The following VWF variants were observed in gnomAD, a reference collection of about 807,000 sequenced individuals.
The protein encoded by VWF is von Willebrand factor.
A neutral mutation model predicts 308.6 loss-of-function variants in VWF; 176 were observed. The observed-to-expected ratio is 0.57, with a 90% CI of 0.50 to 0.65. VWF has a LOEUF of 0.65. VWF is among the 30% of genes least tolerant of loss of function. VWF has a pLI of 0.00. For missense variants in VWF, 3,146 were observed against 3,648.2 expected (o/e 0.86, Z 3.55); for synonymous variants, 1,385 against 1,443.4 (o/e 0.96, Z 0.92).
chr12:6,079,893 C>T (rs1944888943), intron 6 of VWF, among the ~76,000 whole-genome samples: 1 of 152,150 alleles, frequency 6.6e-6, no homozygotes, highest in Non-Finnish European at 1.5e-5. Flanking sequence ...CCAGCCTCAC[C>T]CTCCCTGCTC....
intron 6 of VWF, among the ~76,000 whole-genome samples, chr12:6,088,617 A>G (rs552826504): frequency 1.2e-4 from 18 of 152,314 alleles, no homozygotes; most frequent in African/African-American, 3.4e-4. Context: ...ACTACAGGAC[A>G]AAGCCAAGAT....
At chr12:5,969,954 C>T in intron 44 of VWF, among the ~76,000 whole-genome samples, 1 of 152,174 alleles carries the variant, frequency 6.6e-6, no homozygotes, top group Admixed American at 6.5e-5. Flanking sequence ...GGATCTTCCC[C>T]AGAAAATGTC....
intron 45 of VWF, among the ~76,000 whole-genome samples, chr12:5,968,796 G>C: frequency 6.6e-6 from 1 of 152,208 alleles, no homozygotes; most frequent in Non-Finnish European, 1.5e-5. Flanking sequence ...AGTCACTCCA[G>C]AGTGAGAATC....
intron 14 of VWF, among the ~76,000 whole-genome samples, 179 bp from the exon 15 acceptor site, chr12:6,057,251 G>A (rs1028836051): frequency 1.3e-5 from 2 of 151,204 alleles, no homozygotes; most frequent in African/African-American, 4.9e-5. Context: ...ATCATCTAAC[G>A]CTGAGTTTGT....
intron 41 of VWF, among the ~76,000 whole-genome samples, chr12:5,982,496 T>A (rs2136371983): frequency 6.6e-6 from 1 of 152,264 alleles, no homozygotes; most frequent in East Asian, 1.9e-4. Flanking sequence ...AATGTCACTT[T>A]TAAAAGACCA....
intron 40 of VWF, among the ~76,000 whole-genome samples, chr12:5,984,467 C>T (rs192549199): frequency 1.3e-4 from 20 of 152,380 alleles, no homozygotes; most frequent in Non-Finnish European, 2.6e-4. Flanking sequence ...ATCTGCATCA[C>T]TGCAAATTGT....
intron 42 of VWF, among the ~76,000 whole-genome samples, chr12:5,976,679 T>C (rs1412933193): frequency 1.3e-5 from 2 of 151,656 alleles, no homozygotes; most frequent in African/African-American, 2.4e-5. Context: ...TACGAGCAAA[T>C]TGGGCAGGGG....
chr12:6,056,837 C>T lies in VWF; in HGVS notation c.1945+20G>A. ...ATTTGGGGGGCGGCCCGGAGGGCTG[C>T]GGGCAGGGAGGGCACGCACCACAGC... On this transcript the variant is annotated intron_variant, in intron 15 of 51. Transcript: ENST00000261405. 3 of 1,363,878 alleles carry T rather than the reference C, an allele frequency of 2.2e-6. No homozygotes were observed. Among genetic ancestry groups the T allele is most frequent in the Non-Finnish European group, 1.9e-6 (2 of 1,068,486 alleles). The allele number at this position is 1,363,878 out of a possible 1,614,324, so 84.5% of individuals were successfully genotyped here. A position where few individuals can be genotyped will look rare whatever the true frequency, so the allele number is the denominator to read the frequency against.
intron 3 of VWF, among the ~76,000 whole-genome samples, chr12:6,111,872 G>A (rs1336027543): frequency 6.7e-6 from 1 of 150,228 alleles, no homozygotes; most frequent in Non-Finnish European, 1.5e-5. Context: ...GCAGAAGAAC[G>A]GCGTGAACCC....
chr12:6,073,861 C>T (rs906726236), intron 7 of VWF, 120 bp from the exon 8 acceptor site: 3 of 1,476,058 alleles, frequency 2.0e-6, no homozygotes, highest in Admixed American at 1.9e-5. Context: ...TGTCTTCAGG[C>T]TTCCAGGTCC....
chr12:6,027,092 T>G (rs1308612519), intron 22 of VWF, among the ~76,000 whole-genome samples: 1 of 152,120 alleles, frequency 6.6e-6, no homozygotes, highest in Non-Finnish European at 1.5e-5. Flanking sequence ...CCAGGAAACA[T>G]AGAGGAAGAA....
intron 21 of VWF, among the ~76,000 whole-genome samples, chr12:6,029,823 G>C (rs1267250730): frequency 6.6e-6 from 1 of 152,222 alleles, no homozygotes; most frequent in African/African-American, 2.4e-5. Context: ...TGGTCTCCTA[G>C]ATAGGTTTTC....
At chr12:5,965,595 C>A (rs542931011) in intron 47 of VWF, among the ~76,000 whole-genome samples, 2 of 152,346 alleles carry the variant, frequency 1.3e-5, no homozygotes, top group South Asian at 4.1e-4. Context: ...CCTCCTGCTG[C>A]TCTCCCTTTA....
chr12:6,035,354 T>G (rs11615001), intron 19 of VWF, among the ~76,000 whole-genome samples: 2 of 152,072 alleles, frequency 1.3e-5, no homozygotes, highest in African/African-American at 4.8e-5. Flanking sequence ...TGTAGCTACA[T>G]GTTAAAATCT....
intron 20 of VWF, among the ~76,000 whole-genome samples, chr12:6,033,661 C>T (rs1302830053): frequency 6.6e-6 from 1 of 152,244 alleles, no homozygotes; most frequent in Non-Finnish European, 1.5e-5. Flanking sequence ...GTCCCCAGCA[C>T]ACTGCCTGCC....
chr12:6,093,645 TC>T (rs771246905), intron 6 of VWF, among the ~76,000 whole-genome samples: 1 of 152,132 alleles, frequency 6.6e-6, no homozygotes, highest in Non-Finnish European at 1.5e-5. Flanking sequence ...CAACCCCTGT[TC>T]CCCACAGGAG....
At chr12:5,963,982 C>G (rs188203795) in intron 47 of VWF, among the ~76,000 whole-genome samples, 1 of 151,872 alleles carries the variant, frequency 6.6e-6, no homozygotes, top group African/African-American at 2.4e-5. Context: ...CCAAGGTGGG[C>G]AGATCACGAG....
intron 5 of VWF, among the ~76,000 whole-genome samples, chr12:6,103,452 ATATG>A (rs1565391090): frequency 0.033 from 3,025 of 90,850 alleles, 361 homozygotes; most frequent in African/African-American, 0.12. Context: ...ACATACACAT[ATATG>A]TGTATATACA....
At chr12:6,078,772 C>T (rs1944873109) in intron 6 of VWF, among the ~76,000 whole-genome samples, 2 of 152,176 alleles carry the variant, frequency 1.3e-5, no homozygotes, top group South Asian at 4.1e-4. Context: ...TCCAGGCACC[C>T]TCCCCTCTCA....
Sources: allele counts gnomAD v4.1 joint callset (sites outside exome capture counted in the v4.1 genomes callset), GRCh38; gene constraint gnomAD v4.1.1; transcripts MANE v1.5; gene names NCBI Gene and HGNC (gene_info 2026-07-23, HGNC 2026-07-21).